The following C2 variants were observed in gnomAD, a reference collection of about 807,000 sequenced individuals.
C2 encodes complement C2.
Under a neutral mutation model 85.2 loss-of-function variants are expected in C2, and 64 were observed. The ratio of observed to expected loss-of-function variants is 0.75; its 90% confidence interval spans 0.61 to 0.92. The LOEUF (loss-of-function observed/expected upper bound fraction) is 0.92, where lower values mean the gene tolerates loss of function less well. C2 is among the 40% of genes least tolerant of loss of function. The probability of loss-of-function intolerance (pLI) is 0.00; values close to 1 mark genes in which losing one functional copy is unlikely to be tolerated. For missense variants in C2, 820 were observed against 971.6 expected (o/e 0.84, Z 2.07); for synonymous variants, 311 against 370.8 (o/e 0.84, Z 1.85).
chr6:31,915,020 A>G (rs1468971589), upstream of C2, among the ~76,000 whole-genome samples: 1 of 152,162 alleles, frequency 6.6e-6, no homozygotes, highest in African/African-American at 2.4e-5. Flanking sequence ...CCCGTGGTCT[A>G]TGCCTCAACG....
upstream of C2, among the ~76,000 whole-genome samples, chr6:31,918,229 G>C (rs1161433967): frequency 6.6e-6 from 1 of 151,760 alleles, no homozygotes; most frequent in African/African-American, 2.4e-5. Context: ...AGGCTGCCGT[G>C]AGCTATGATC....
At position 31,943,573 on chromosome 6, in the gene C2, C is replaced by A. The variant is rs1225402827; in HGVS notation, c.1567+46C>A. Reference sequence around the variant, plus strand: ...GCCTCCTGATCCTGAAGCCACAGATCCTACCACCTCACCCAGCCTCTGGCC... The same window carrying A: ...GCCTCCTGATCCTGAAGCCACAGATACTACCACCTCACCCAGCCTCTGGCC... On this transcript the variant is annotated intron_variant, in intron 12 of 17. Coordinates refer to ENST00000299367, the MANE Select transcript of C2 (RefSeq NM_000063.6). The surrounding 1 kb of genome is among the most constrained non-coding windows in gnomAD (Gnocchi z 6.4). 6.2e-7 allele frequency: 1 copy of A among 1,607,728 alleles called. No homozygotes were observed. Among genetic ancestry groups the A allele is most frequent in the African/African-American group, 1.3e-5 (1 of 74,958 alleles).
At position 31,920,039 on chromosome 6, in the gene C2, A is replaced by G. The variant is rs549019656; in HGVS notation, c.-100+13A>G. 1 of 152,392 alleles carries G rather than the reference A, an allele frequency of 6.6e-6. No individual in the cohort carries two copies. The highest frequency in any genetic ancestry group is 2.1e-4 in the South Asian group (1 of 4,832). 9.4% of individuals were successfully genotyped at this position (152,392 alleles called of 1,614,324 possible). A position where few individuals can be genotyped will look rare whatever the true frequency, so the allele number is the denominator to read the frequency against. On this transcript the variant is annotated intron_variant, in intron 1 of 3. Transcript: ENST00000413154. The surrounding 1 kb of genome is among the most constrained non-coding windows in gnomAD (Gnocchi z 5.6). ...GTGACAAAACAGGGTGAGTAAGGCT[A>G]CGAAATAGCTAATGAATTTGCCAAG...
At position 31,904,683 on chromosome 6, in the gene C2, G is replaced by A. The variant is rs1030051583; in HGVS notation, c.73+3544G>A. On this transcript the variant is annotated intron_variant, in intron 1 of 3. Transcript: ENST00000452202. This position sits in a 1 kb window ranked among gnomAD's most constrained non-coding sequence, Gnocchi z 4.4. The stretch of plus-strand genomic sequence containing the variant: ...TTCCGCATTGCCAAACTTCTCAGAA[G>A]AATAGTTCACATTCCAGTGAGAGCA... Among the ~76,000 whole-genome samples the A allele has an allele frequency of 2.0e-5, 3 of 152,052 alleles. No homozygotes were observed. The highest frequency in any genetic ancestry group is 7.3e-5 in the African/African-American group (3 of 41,364).
At chr6:31,902,128 C>T (rs1767375631) in intron 1 of C2, 1 of 140,600 alleles carries the variant, frequency 7.1e-6, no homozygotes, top group Non-Finnish European at 1.6e-5. Flanking sequence ...CTTCCCGACC[C>T]CCCTTTCTTC....
At chr6:31,932,951 T>C (rs1770033611) in intron 3 of C2, among the ~76,000 whole-genome samples, 1 of 152,220 alleles carries the variant, frequency 6.6e-6, no homozygotes, top group Non-Finnish European at 1.5e-5. Flanking sequence ...CCGTCTCCAC[T>C]AACAAAATAC....
upstream of C2, among the ~76,000 whole-genome samples, chr6:31,919,482 G>A (rs115009784): frequency 0.034 from 5,199 of 152,170 alleles, 112 homozygotes; most frequent in South Asian, 0.056. Flanking sequence ...AAAACTACAA[G>A]GAGTAATAAA....
intron 6 of C2, 23 bp downstream of exon 6, chr6:31,934,322 G>C: frequency 1.2e-6 from 2 of 1,613,904 alleles, no homozygotes; most frequent in Non-Finnish European, 1.7e-6. Context: ...GAGTCTGCCT[G>C]CAGCAGAGGC....
intron 1 of C2, among the ~76,000 whole-genome samples, chr6:31,909,319 T>A (rs1386572295): frequency 1.3e-5 from 2 of 152,054 alleles, no homozygotes; most frequent in South Asian, 2.1e-4. Context: ...TATTTTTTTT[T>A]AGACAGGATC....
upstream of C2, chr6:31,899,921 C>T (rs540651243): frequency 2.5e-6 from 4 of 1,569,380 alleles, no homozygotes; most frequent in Non-Finnish European, 3.5e-6. Flanking sequence ...TCCACGCCTG[C>T]GCGGCTAGCG....
In C2 at chr6:31,931,544, G is replaced by T. The variant is rs1341673902; in HGVS notation, c.443-2066G>T. ...CTCTTAATCCATTCAACCCTGAGTG[G>T]ATACAGCACATGTTTCAGAGAGCAC... On this transcript the variant is annotated intron_variant, in intron 3 of 17. Transcript: ENST00000299367. 4.0e-5 allele frequency among the ~76,000 whole-genome samples: 6 copies of T among 151,796 alleles called. No homozygotes were observed. In the East Asian group the frequency reaches 1.2e-3, roughly 29 times the overall value.
rs1386675612 is a variant in C2 at position 31,904,748 on chromosome 6, A to C, written c.73+3609A>C. Among the ~76,000 whole-genome samples the C allele has an allele frequency of 6.6e-6, 1 of 152,048 alleles. No individual in the cohort carries two copies. Among genetic ancestry groups the C allele is most frequent in the Non-Finnish European group, 1.5e-5 (1 of 68,026 alleles). On this transcript the variant is annotated intron_variant, in intron 1 of 3. Transcript: ENST00000452202. The surrounding 1 kb of genome is among the most constrained non-coding windows in gnomAD (Gnocchi z 4.4). ...TGTCAAGTTAAGAATTAGAGTTTGT[A>C]AAATTTTGTTTCTTGTCCCTTTCTT...
chr6:31,898,216 C>G (rs1288832563), upstream of C2, among the ~76,000 whole-genome samples: 2 of 152,170 alleles, frequency 1.3e-5, no homozygotes, highest in African/African-American at 2.4e-5. Flanking sequence ...AAACCTGTGG[C>G]TAAATGTCTC....
In C2 at chr6:31,933,684, G is replaced by A. The variant is rs2151753241; in HGVS notation, c.517G>A (p.Val173Ile). The A allele has an allele frequency of 6.2e-7, 1 of 1,613,154 alleles. No individual in the cohort carries two copies. Among genetic ancestry groups the A allele is most frequent in the Non-Finnish European group, 8.5e-7 (1 of 1,180,034 alleles). ...TGFRFGHGDK[V>I]RYRCSSNLVL... is the part of the protein sequence containing the mutation. ...CTTCCGCTTTGGTCATGGGGACAAG[G>A]TCCGCTATCGCTGCTCCTCGAATCT... The change falls in exon 4 of 18, where the codon GTC (valine) becomes ATC (isoleucine). Residue 173 changes from valine to isoleucine, a missense_variant. Transcript: ENST00000299367.
upstream of C2, among the ~76,000 whole-genome samples, chr6:31,924,093 C>A (rs1278449655): frequency 2.6e-5 from 4 of 152,242 alleles, no homozygotes; most frequent in Non-Finnish European, 1.5e-5. Context: ...AACCACCGCG[C>A]CCGGCCTCTG....
intron 1 of C2, among the ~76,000 whole-genome samples, chr6:31,913,402 GCTA>G: frequency 6.6e-6 from 1 of 152,056 alleles, no homozygotes; most frequent in Non-Finnish European, 1.5e-5. Flanking sequence ...ATGGTGAACC[GCTA>G]TCTCTACTAA....
intron 9 of C2, chr6:31,941,590 C>T (rs1334600235): frequency 6.6e-6 from 1 of 152,236 alleles, no homozygotes; most frequent in Non-Finnish European, 1.5e-5. Flanking sequence ...TAACCTCTGC[C>T]TCCTGGGTTC....
rs1771346868 is a variant in C2, at chr6:31,945,669, C to T, written c.*312C>T. ...GAAATTAATAAAAATCAATGGTTTC[C>T]ACATCTCTCAGTGCCTCTATCTGGA... On this transcript the variant is annotated 3_prime_UTR_variant, in exon 18 of 18. Transcript: ENST00000299367. This position sits in a 1 kb window ranked among gnomAD's most constrained non-coding sequence, Gnocchi z 5.3. The T allele has an allele frequency of 1.9e-6, 1 of 530,106 alleles. No individual in the cohort carries two copies. The highest frequency in any genetic ancestry group is 3.4e-6 in the Non-Finnish European group (1 of 294,052). The allele number at this position is 530,106 out of a possible 1,614,324, so 32.8% of individuals were successfully genotyped here.
intron 3 of C2, among the ~76,000 whole-genome samples, chr6:31,930,355 T>A (rs1418471717): frequency 6.6e-6 from 1 of 152,202 alleles, no homozygotes; most frequent in Non-Finnish European, 1.5e-5. Context: ...GTGCTGGGAT[T>A]ACAGGCGTGA....
Sources: gnomAD v4.1 joint callset for allele counts (sites outside exome capture counted in the v4.1 genomes callset) on GRCh38, gnomAD v4.1.1 for gene constraint, Gnocchi (gnomAD v3.1) non-coding constraint, MANE v1.5 for transcripts, NCBI Gene and HGNC (gene_info 2026-07-23, HGNC 2026-07-21) for gene names.